PCDHA1: variants seen among roughly 807,000 people sequenced by gnomAD.
PCDHA1 encodes the protein protocadherin alpha-1.
In PCDHA1, 42 loss-of-function variants were observed where a neutral mutation model predicts 61.3. That is an observed-to-expected ratio of 0.69 (90% CI 0.54 to 0.89). The LOEUF (loss-of-function observed/expected upper bound fraction) is 0.89, where lower values mean the gene tolerates loss of function less well. Among genes scored for constraint, PCDHA1 ranks in the 40% least tolerant of loss-of-function variants. The pLI is 0.00. For missense variants in PCDHA1, 1,256 were observed against 1,235.3 expected, an observed-to-expected ratio of 1.02 and a Z score of -0.25; for synonymous variants, 610 against 553.8, an observed-to-expected ratio of 1.10 and a Z score of -1.43.
At chr5:140,836,054 C>T in intron 1 of PCDHA1, 2 of 1,613,594 alleles carry the variant, frequency 1.2e-6, no homozygotes, top group Non-Finnish European at 1.7e-6. Flanking sequence ...TCGTGCTGGA[C>T]GAGAACGACA....
chr5:140,968,125 TAC>T, intron 1 of PCDHA1: 1 of 1,614,174 alleles, frequency 6.2e-7, no homozygotes, highest in Non-Finnish European at 8.5e-7. Context: ...CATCCCTGCG[TAC>T]ACTGAAGGTT....
chr5:140,835,712 G>C, intron 1 of PCDHA1: 1 of 1,613,796 alleles, frequency 6.2e-7, no homozygotes, highest in Non-Finnish European at 8.5e-7. Flanking sequence ...GCGTGTCCGT[G>C]GAGGTGGCCG....
chr5:140,831,094 A>T (rs1771374456), intron 1 of PCDHA1: 2 of 152,224 alleles, frequency 1.3e-5, no homozygotes, highest in African/African-American at 2.4e-5. Context: ...GGACAAAAAC[A>T]ATAGTTATCA....
intron 1 of PCDHA1, among the ~76,000 whole-genome samples, chr5:140,902,684 A>G (rs1173996816): frequency 6.6e-6 from 1 of 152,100 alleles, no homozygotes; most frequent in Non-Finnish European, 1.5e-5. Flanking sequence ...ACCGTACCTA[A>G]TATGTGTAGT....
rs201501759 is a variant in PCDHA1 at position 140,978,957 on chromosome 5, G to A, written c.2403G>A (p.Gln801=). The stretch of plus-strand genomic sequence containing the variant: ...TCTTTGTGATTTTGCAGCCACGACA[G>A]CCCAACCCTGACTGGCGTTACTCTG... ...ANLDLSGNPR[Q]PNPDWRYSAS... is the part of the protein sequence containing the mutation. Residue 801 remains glutamine, a synonymous_variant, in exon 2 of 4, where the codon CAG becomes CAA. Coordinates refer to ENST00000504120, the MANE Select transcript of PCDHA1 (RefSeq NM_018900.4). 56 of 1,614,040 alleles carry A rather than the reference G, an allele frequency of 3.5e-5. No individual in the cohort carries two copies. In the East Asian group the frequency reaches 1.1e-3, roughly 32 times the overall value.
At chr5:140,794,792 G>A in intron 1 of PCDHA1, 6 of 689,200 alleles carry the variant, frequency 8.7e-6, no homozygotes, top group Non-Finnish European at 1.4e-5. Flanking sequence ...TTAGCCACAT[G>A]ATGTCGCTGT....
chr5:140,911,885 A>T (rs1242639819), intron 1 of PCDHA1, among the ~76,000 whole-genome samples: 1 of 152,216 alleles, frequency 6.6e-6, no homozygotes, highest in Non-Finnish European at 1.5e-5. Flanking sequence ...TCCTGGGACC[A>T]AAATCTGTAT....
chr5:140,999,775 A>T (rs2097875590), intron 3 of PCDHA1, among the ~76,000 whole-genome samples: 1 of 152,178 alleles, frequency 6.6e-6, no homozygotes, highest in African/African-American at 2.4e-5. Context: ...TATACTCTTA[A>T]CCTAGAAATG....
chr5:140,826,608 G>A (rs1447387034), intron 1 of PCDHA1, among the ~76,000 whole-genome samples: 2 of 152,100 alleles, frequency 1.3e-5, no homozygotes, highest in African/African-American at 4.8e-5. Context: ...TAAATTAAGG[G>A]CGAAGTTGAT....
intron 1 of PCDHA1, chr5:140,927,274 G>T: frequency 6.2e-7 from 1 of 1,614,100 alleles, no homozygotes; most frequent in Non-Finnish European, 8.5e-7. Context: ...TCCTGCCGGC[G>T]ACGTGCAGCT....
At chr5:140,832,540 C>T (rs1195666281) in intron 1 of PCDHA1, among the ~76,000 whole-genome samples, 1 of 152,172 alleles carries the variant, frequency 6.6e-6, no homozygotes, top group African/African-American at 2.4e-5. Context: ...ATTTGTGTAG[C>T]TAATGATATC....
chr5:140,988,817 C>T (rs1244038207), intron 3 of PCDHA1: 8 of 152,028 alleles, frequency 5.3e-5, no homozygotes, highest in Admixed American at 1.3e-4. Context: ...TAACAGTAGC[C>T]CCAAACAGAG....
intron 1 of PCDHA1, among the ~76,000 whole-genome samples, chr5:140,791,437 C>CTTTGT (rs1761649316): frequency 1.3e-5 from 2 of 152,196 alleles, no homozygotes; most frequent in Admixed American, 1.3e-4. Flanking sequence ...AGGAAGTCCC[C>CTTTGT]AATAACTACA....
rs75377875 is a variant in PCDHA1 at position 140,902,598 on chromosome 5, C to T, written c.2395-76351C>T. The stretch of plus-strand genomic sequence containing the variant: ...ATTTCAATAGTTTTGGGAAACAGGT[C>T]GTTTTCAGTTACATGGGTAAGTTAT... On this transcript the variant is annotated intron_variant, in intron 1 of 3. Coordinates refer to ENST00000504120, the MANE Select transcript of PCDHA1 (RefSeq NM_018900.4). Among the ~76,000 whole-genome samples, 274 of 152,044 alleles carry T rather than the reference C, an allele frequency of 1.8e-3. 4 individuals are homozygous for T. In the East Asian group the frequency reaches 0.048, roughly 27 times the overall value.
At chr5:140,913,166 G>C (rs1357125827) in intron 1 of PCDHA1, among the ~76,000 whole-genome samples, 2 of 152,160 alleles carry the variant, frequency 1.3e-5, no homozygotes, top group African/African-American at 4.8e-5. Flanking sequence ...ATTGGTATTA[G>C]TTCTTCTTTA....
chr5:140,862,294 T>G, intron 1 of PCDHA1: 1 of 269,096 alleles, frequency 3.7e-6, no homozygotes, highest in Non-Finnish European at 7.3e-6. Context: ...AGGAGGACGC[T>G]CCACTGGGTA....
At chr5:140,808,379 G>T (rs1425307568) in intron 1 of PCDHA1, 15 of 1,614,190 alleles carry the variant, frequency 9.3e-6, no homozygotes, top group African/African-American at 1.3e-5. Context: ...CTTCAAGCTG[G>T]TGTCCACCTT....
At chr5:140,948,027 G>T (rs530195389) in intron 1 of PCDHA1, among the ~76,000 whole-genome samples, 1 of 151,544 alleles carries the variant, frequency 6.6e-6, no homozygotes, top group Non-Finnish European at 1.5e-5. Flanking sequence ...TTTCTGGTTT[G>T]CTCAGAGTTT....
intron 1 of PCDHA1, among the ~76,000 whole-genome samples, chr5:140,971,717 T>C (rs2096494226): frequency 6.6e-6 from 1 of 152,012 alleles, no homozygotes; most frequent in Non-Finnish European, 1.5e-5. Flanking sequence ...TATAGATATA[T>C]GTATATCATA....
Sources: gnomAD v4.1 joint callset for allele counts (sites outside exome capture counted in the v4.1 genomes callset) on GRCh38, gnomAD v4.1.1 for gene constraint, MANE v1.5 for transcripts, NCBI Gene and HGNC (gene_info 2026-07-23, HGNC 2026-07-21) for gene names.